The following MSRA variants were observed in gnomAD, a reference collection of about 807,000 sequenced individuals.
The protein encoded by MSRA is mitochondrial peptide methionine sulfoxide reductase.
Under a neutral mutation model 31.3 loss-of-function variants are expected in MSRA, and 54 were observed. That is an observed-to-expected ratio of 1.73 (90% CI 1.39 to 2.17). The LOEUF (loss-of-function observed/expected upper bound fraction) is 2.17, where lower values mean the gene tolerates loss of function less well. Ranked by LOEUF, MSRA falls within the 30% of genes most tolerant of loss-of-function variation. The probability of loss-of-function intolerance (pLI) is 0.00; values close to 1 mark genes in which losing one functional copy is unlikely to be tolerated. For missense variants in MSRA, 507 were observed against 300.9 expected (o/e 1.69, Z -5.07); for synonymous variants, 169 against 116.5 (o/e 1.45, Z -2.90).
intron 1 of MSRA, among the ~76,000 whole-genome samples, chr8:10,062,908 A>G (rs1284649507): frequency 6.6e-6 from 1 of 152,182 alleles, no homozygotes; most frequent in Non-Finnish European, 1.5e-5. Context: ...TTCCACTGGA[A>G]TTCCTTAGCA....
chr8:10,268,004 G>A (rs114674239), intron 3 of MSRA, among the ~76,000 whole-genome samples: 11 of 152,106 alleles, frequency 7.2e-5, no homozygotes, highest in South Asian at 2.1e-4. Context: ...CATGTCCTGC[G>A]TCACAATGAT....
intron 2 of MSRA, among the ~76,000 whole-genome samples, chr8:10,212,173 C>T (rs906151639): frequency 6.6e-6 from 1 of 150,750 alleles, no homozygotes; most frequent in African/African-American, 2.4e-5. Flanking sequence ...GGTAACAGAG[C>T]GAGACTCTGT....
intron 1 of MSRA, among the ~76,000 whole-genome samples, chr8:10,087,006 A>G (rs1336296714): frequency 2.0e-5 from 3 of 152,124 alleles, no homozygotes; most frequent in African/African-American, 4.8e-5. Flanking sequence ...CTTTGTGTAA[A>G]GGAAGTTTAT....
At chr8:10,104,385 G>GGT (rs1563099475) in intron 1 of MSRA, among the ~76,000 whole-genome samples, 1 of 152,194 alleles carries the variant, frequency 6.6e-6, no homozygotes, top group Non-Finnish European at 1.5e-5. Context: ...ATGTGCCCAG[G>GGT]GTGATGGGGG....
At chr8:10,152,327 A>G (rs572123686) in intron 1 of MSRA, among the ~76,000 whole-genome samples, 1 of 152,360 alleles carries the variant, frequency 6.6e-6, no homozygotes, top group South Asian at 2.1e-4. Flanking sequence ...CCAATGTAAA[A>G]TCTACTAGAG....
chr8:10,344,574 CAAAAAAAAAAAAAAAA>C (rs56843505), intron 5 of MSRA, among the ~76,000 whole-genome samples: 4 of 64,612 alleles, frequency 6.2e-5, no homozygotes, highest in African/African-American at 2.2e-4. Context: ...GACTCCGTCT[CAAAAAAAAAAAAAAAA>C]AAAAAAAAAA....
chr8:10,382,525 A>G (rs764227561), intron 5 of MSRA, among the ~76,000 whole-genome samples: 1 of 152,008 alleles, frequency 6.6e-6, no homozygotes, highest in Non-Finnish European at 1.5e-5. Context: ...AGAGGCTGTC[A>G]TTCTACACCT....
At chr8:10,270,196 C>T (rs908718384) in intron 3 of MSRA, among the ~76,000 whole-genome samples, 1 of 152,112 alleles carries the variant, frequency 6.6e-6, no homozygotes, top group Non-Finnish European at 1.5e-5. Flanking sequence ...TTTTATATAT[C>T]TGTCTTTGAA....
intron 3 of MSRA, among the ~76,000 whole-genome samples, chr8:10,262,023 A>T (rs1798511289): frequency 6.6e-6 from 1 of 152,242 alleles, no homozygotes; most frequent in South Asian, 2.1e-4. Flanking sequence ...GTATGTATTT[A>T]ACGGTACTCC....
At chr8:10,287,308 C>A (rs770984613) in intron 3 of MSRA, among the ~76,000 whole-genome samples, 1 of 152,148 alleles carries the variant, frequency 6.6e-6, no homozygotes, top group African/African-American at 2.4e-5. Flanking sequence ...ATAATTTGGC[C>A]TCATTGAGGC....
intron 5 of MSRA, among the ~76,000 whole-genome samples, chr8:10,347,797 A>G (rs938098168): frequency 6.6e-6 from 1 of 152,128 alleles, no homozygotes; most frequent in Non-Finnish European, 1.5e-5. Context: ...CCGTTACCCT[A>G]GTTGTTTCTA....
chr8:10,297,825 G>A (rs1449800473), intron 3 of MSRA, among the ~76,000 whole-genome samples: 2 of 152,110 alleles, frequency 1.3e-5, no homozygotes, highest in Non-Finnish European at 2.9e-5. Context: ...GTTTGCTGGC[G>A]AGTGGAAATC....
chr8:10,127,101 T>C (rs1433074625), intron 1 of MSRA, among the ~76,000 whole-genome samples: 2 of 152,244 alleles, frequency 1.3e-5, no homozygotes, highest in Non-Finnish European at 2.9e-5. Context: ...CATAACTTTG[T>C]ATTCTTAGTC....
intron 2 of MSRA, among the ~76,000 whole-genome samples, chr8:10,218,783 A>T (rs1229312342): frequency 6.6e-6 from 1 of 152,204 alleles, no homozygotes; most frequent in Non-Finnish European, 1.5e-5. Context: ...CCTTAATTTG[A>T]CGGAATGACC....
At chr8:10,374,367 C>A (rs1476539735) in intron 5 of MSRA, among the ~76,000 whole-genome samples, 1 of 152,154 alleles carries the variant, frequency 6.6e-6, no homozygotes, top group Non-Finnish European at 1.5e-5. Flanking sequence ...GACCTTGGTG[C>A]TGTACGGGAG....
Position 10,054,297 on chromosome 8 carries a change from G to C in MSRA, c.-220G>C, listed in dbSNP as rs1047016773. On this transcript the variant is annotated 5_prime_UTR_variant, in exon 1 of 6. Coordinates refer to ENST00000317173, the MANE Select transcript of MSRA (RefSeq NM_012331.5). ...CTCGCCGGGCCACACCCCCTGTCCAGGGAAGGAACACGCCCCCGGTGACAG... is the reference window on the plus strand; with the variant it reads ...CTCGCCGGGCCACACCCCCTGTCCACGGAAGGAACACGCCCCCGGTGACAG... The C allele has an allele frequency of 8.4e-6, 3 of 356,664 alleles. No homozygotes were observed. Among genetic ancestry groups the C allele is most frequent in the African/African-American group, 2.2e-5 (1 of 46,238 alleles). The allele number at this position is 356,664 out of a possible 1,614,324, so 22.1% of individuals were successfully genotyped here.
intron 1 of MSRA, among the ~76,000 whole-genome samples, chr8:10,115,693 C>T (rs1159599203): frequency 6.6e-6 from 1 of 152,118 alleles, no homozygotes; most frequent in Non-Finnish European, 1.5e-5. Flanking sequence ...GATTTCCATT[C>T]ATGATTAAGG....
chr8:10,169,540 T>C (rs571606637), intron 1 of MSRA, among the ~76,000 whole-genome samples: 1 of 152,296 alleles, frequency 6.6e-6, no homozygotes, highest in East Asian at 1.9e-4. Context: ...TTGGCAAAAA[T>C]CTCTGTGACT....
chr8:10,103,491 A>G (rs529992071), intron 1 of MSRA, among the ~76,000 whole-genome samples: 12 of 152,326 alleles, frequency 7.9e-5, no homozygotes, highest in African/African-American at 2.6e-4. Flanking sequence ...GACTTTTCCT[A>G]TAAGTGAAGT....
Sources: allele counts gnomAD v4.1 joint callset (sites outside exome capture counted in the v4.1 genomes callset), GRCh38; gene constraint gnomAD v4.1.1; transcripts MANE v1.5; gene names NCBI Gene and HGNC (gene_info 2026-07-23, HGNC 2026-07-21).